Variants in UXS1 observed in about 807,000 individuals in gnomAD.
UXS1 encodes the protein UDP-glucuronic acid decarboxylase 1.
A neutral mutation model predicts 62.6 loss-of-function variants in UXS1; 33 were observed. The observed-to-expected ratio is 0.53, with a 90% confidence interval of 0.40 to 0.70. The LOEUF is 0.70. UXS1 is among the 30% of genes least tolerant of loss of function. The pLI is 0.00. For synonymous variants in UXS1, 213 were observed against 206.8 expected, an observed-to-expected ratio of 1.03 and a Z score of -0.26; for missense variants, 434 against 556.3, an observed-to-expected ratio of 0.78 and a Z score of 2.21.
chr2:106,175,077 G>C (rs114616915), intron 1 of UXS1, among the ~76,000 whole-genome samples: 58 of 152,330 alleles, frequency 3.8e-4, no homozygotes, highest in Non-Finnish European at 7.1e-4. Flanking sequence ...GTGGGGCAGC[G>C]AAGCCTCCTG....
intron 1 of UXS1, among the ~76,000 whole-genome samples, chr2:106,178,962 G>T: frequency 6.6e-6 from 1 of 152,218 alleles, no homozygotes; most frequent in Non-Finnish European, 1.5e-5. Context: ...GGGCGGTGTT[G>T]ATAAAGCTTG....
chr2:106,128,834 C>T (rs1043527072), intron 7 of UXS1, among the ~76,000 whole-genome samples: 3 of 152,170 alleles, frequency 2.0e-5, no homozygotes, highest in Admixed American at 2.0e-4. Flanking sequence ...CTTTCATTCT[C>T]GACTCCACGC....
intron 4 of UXS1, chr2:106,160,624 A>C (rs1682825036): frequency 6.6e-6 from 1 of 152,234 alleles, no homozygotes; most frequent in African/African-American, 2.4e-5. Flanking sequence ...GTCAGCTTAG[A>C]ATAGTCCCTA....
chr2:106,175,056 T>G (rs1384816934), intron 1 of UXS1, among the ~76,000 whole-genome samples: 2 of 152,202 alleles, frequency 1.3e-5, no homozygotes, highest in Non-Finnish European at 2.9e-5. Flanking sequence ...TCAACCTCCA[T>G]GAAATCCTCA....
intron 1 of UXS1, among the ~76,000 whole-genome samples, chr2:106,190,322 G>C (rs1188113082): frequency 6.6e-6 from 1 of 152,036 alleles, no homozygotes; most frequent in Non-Finnish European, 1.5e-5. Flanking sequence ...GCATGTACAG[G>C]GGCAAAGAGA....
intron 1 of UXS1, among the ~76,000 whole-genome samples, chr2:106,181,042 C>G (rs1322653560): frequency 6.6e-6 from 1 of 152,196 alleles, no homozygotes; most frequent in African/African-American, 2.4e-5. Context: ...CCTTAGTTTT[C>G]TGATGGAACG....
intron 9 of UXS1, among the ~76,000 whole-genome samples, chr2:106,115,775 C>CT (rs768168690): frequency 1.7e-4 from 26 of 152,208 alleles, no homozygotes; most frequent in Non-Finnish European, 3.5e-4. Context: ...GGTTAAAACA[C>CT]TGAAACTATT....
intron 5 of UXS1, among the ~76,000 whole-genome samples, chr2:106,147,064 C>A (rs1009909704): frequency 6.6e-6 from 1 of 151,574 alleles, no homozygotes; most frequent in African/African-American, 2.4e-5. Flanking sequence ...TCACTTGAAC[C>A]TAGGAGGTGG....
chr2:106,123,149 T>C, intron 8 of UXS1, 58 bp from the exon 9 acceptor site: 8 of 1,604,894 alleles, frequency 5.0e-6, no homozygotes, highest in Non-Finnish European at 6.0e-6. Context: ...TTCATATCAA[T>C]AATGCATATT....
At chr2:106,104,733 A>G (rs1677906002) in intron 11 of UXS1, 61 bp downstream of exon 11, 1 of 1,599,630 alleles carries the variant, frequency 6.3e-7, no homozygotes, top group African/African-American at 1.3e-5. Flanking sequence ...CTGTCTGTCA[A>G]GTTGGCATGA....
At chr2:106,172,555 C>A (rs928468053) in intron 1 of UXS1, among the ~76,000 whole-genome samples, 4 of 152,114 alleles carry the variant, frequency 2.6e-5, no homozygotes, top group Non-Finnish European at 5.9e-5. Context: ...GCTCTGCAGG[C>A]CCCAACACTG....
At chr2:106,168,223 C>T (rs1242434672) in intron 1 of UXS1, among the ~76,000 whole-genome samples, 3 of 152,174 alleles carry the variant, frequency 2.0e-5, no homozygotes, top group Non-Finnish European at 4.4e-5. Context: ...AGTAAAGAAG[C>T]TGACTAAAAC....
chr2:106,113,594 C>G (rs1056519886), intron 9 of UXS1, among the ~76,000 whole-genome samples: 1 of 152,216 alleles, frequency 6.6e-6, no homozygotes, highest in Non-Finnish European at 1.5e-5. Flanking sequence ...ATTAACTTCA[C>G]AGACTGCTTT....
At chr2:106,176,619 C>G (rs1319828011) in intron 1 of UXS1, among the ~76,000 whole-genome samples, 1 of 152,206 alleles carries the variant, frequency 6.6e-6, no homozygotes, top group African/African-American at 2.4e-5. Context: ...AGCCTTAGCC[C>G]TAAACCTTGG....
chr2:106,185,430 C>T (rs1684497359), intron 1 of UXS1, among the ~76,000 whole-genome samples: 1 of 152,228 alleles, frequency 6.6e-6, no homozygotes, highest in Admixed American at 6.5e-5. Context: ...TTCTCCCACT[C>T]TCTAGACACC....
chr2:106,109,183 C>A (rs532234106), intron 10 of UXS1, among the ~76,000 whole-genome samples: 5 of 152,086 alleles, frequency 3.3e-5, no homozygotes, highest in South Asian at 4.2e-4. Context: ...CTTTCCCCCC[C>A]GAAAAATCCC....
intron 1 of UXS1, among the ~76,000 whole-genome samples, chr2:106,174,773 G>A (rs780433742): frequency 2.6e-5 from 4 of 151,972 alleles, no homozygotes; most frequent in African/African-American, 4.8e-5. Flanking sequence ...TAATCACAGC[G>A]TCATGGTATC....
At chr2:106,094,257 AG>A in intron 14 of UXS1, 100 bp from the exon 15 acceptor site, 1 of 1,480,900 alleles carries the variant, frequency 6.8e-7, no homozygotes, top group Non-Finnish European at 9.3e-7. Context: ...GCCACCTTGC[AG>A]CCAGTCAGGC....
intron 4 of UXS1, among the ~76,000 whole-genome samples, chr2:106,161,811 G>C (rs947769300): frequency 2.0e-5 from 3 of 152,090 alleles, no homozygotes; most frequent in Non-Finnish European, 4.4e-5. Context: ...AAGAGAAAAA[G>C]CCCACATACA....
Sources: gnomAD v4.1 joint callset for allele counts (sites outside exome capture counted in the v4.1 genomes callset) on GRCh38, gnomAD v4.1.1 for gene constraint, MANE v1.5 for transcripts, NCBI Gene and HGNC (gene_info 2026-07-23, HGNC 2026-07-21) for gene names.